The following SLFN14 variants were observed in gnomAD, a reference collection of about 807,000 sequenced individuals.
SLFN14 encodes the protein protein SLFN14.
In SLFN14, 47 loss-of-function variants were observed where a neutral mutation model predicts 58.6. That is an observed-to-expected ratio of 0.80 (90% confidence interval 0.64 to 1.02). The LOEUF (loss-of-function observed/expected upper bound fraction) is 1.02, where lower values mean the gene tolerates loss of function less well. SLFN14 is among the 50% of genes least tolerant of loss of function. The pLI, the probability that SLFN14 is intolerant of heterozygous loss-of-function variation, is 0.00. For missense variants in SLFN14, 967 were observed against 1,078.4 expected (o/e 0.90, Z 1.45); for synonymous variants, 390 against 387.3 (o/e 1.01, Z -0.08).
chr17:35,558,099 A>G lies in SLFN14; in HGVS notation c.-37T>C, dbSNP rs2072671467. ...CTCTGTGCTCCAAACAATAAAAGAAAGGAGTTCCTATAATCAGGACAGAAA... is the reference window on the plus strand; with the variant it reads ...CTCTGTGCTCCAAACAATAAAAGAAGGGAGTTCCTATAATCAGGACAGAAA... On this transcript the variant is annotated 5_prime_UTR_variant, in exon 3 of 6. Coordinates refer to ENST00000674182, the MANE Select transcript of SLFN14 (RefSeq NM_001129820.2). 6 of 1,495,372 alleles carry G rather than the reference A, an allele frequency of 4.0e-6. No individual in the cohort carries two copies. Among genetic ancestry groups the G allele is most frequent in the Non-Finnish European group, 5.4e-6 (6 of 1,110,416 alleles). The allele number at this position is 1,495,372 out of a possible 1,614,324, so 92.6% of individuals were successfully genotyped here.
At position 35,545,552 on chromosome 17, in the gene SLFN14, T is replaced by A. The variant is rs112250211; in HGVS notation, c.*2687A>T. Among the ~76,000 whole-genome samples, 5 of 152,128 alleles carry A rather than the reference T, an allele frequency of 3.3e-5. No individual in the cohort carries two copies. Among genetic ancestry groups the A allele is most frequent in the Non-Finnish European group, 7.4e-5 (5 of 68,014 alleles). On this transcript the variant is annotated 3_prime_UTR_variant, in exon 6 of 6. Transcript: ENST00000674182. ...CTCTGTAACCCAGGCTGGAGTGCAG[T>A]GGAGTAATCATAGGTCACTGTAGCC...
Position 35,557,262 on chromosome 17 carries a change from T to C in SLFN14, c.801A>G (p.Leu267=), listed in dbSNP as rs1215538504. Residue 267 remains leucine (L), a synonymous_variant, in exon 3 of 6, where the codon CTA becomes CTG. Coordinates refer to ENST00000674182, the MANE Select transcript of SLFN14 (RefSeq NM_001129820.2). The part of the protein sequence containing the change: ...CKWEKVNPDL[L]KKEIENCIEK... ...CTATGCAGTTTTCGATTTCTTTTTT[T>C]AGTAAGTCAGGATTCACTTTTTCCC... 1.9e-6 allele frequency: 3 copies of C among 1,551,648 alleles called. No homozygotes were observed. The highest frequency in any genetic ancestry group is 2.7e-5 in the African/African-American group (2 of 73,066).
At position 35,552,777 on chromosome 17, in the gene SLFN14, T is replaced by G. The variant is rs1453706986; in HGVS notation, c.1857A>C (p.Lys619Asn). Residue 619 changes from lysine to asparagine, a missense_variant, in exon 5 of 6, where the codon AAA (lysine) becomes AAC (asparagine). Transcript: ENST00000674182. The part of the protein sequence containing the change: ...KIKDLFHCKP[K>N]EILYVCESDS... Reference sequence around the variant, plus strand: ...CGCTTTCACAAACATAGAGGATCTCTTTTGGTTTGCAGTGAAACAAGTCCT... The same window carrying G: ...CGCTTTCACAAACATAGAGGATCTCGTTTGGTTTGCAGTGAAACAAGTCCT... 6.4e-7 allele frequency: 1 copy of G among 1,551,150 alleles called. No individual in the cohort carries two copies. The highest frequency in any genetic ancestry group is 1.4e-5 in the African/African-American group (1 of 72,948).
chr17:35,553,516 A>G, intron 4 of SLFN14, 72 bp from the exon 5 acceptor site: 1 of 1,174,062 alleles, frequency 8.5e-7, no homozygotes, highest in East Asian at 2.6e-5. Context: ...AACGTTGCAG[A>G]AAAAAATGAT....
chr17:35,553,265 CA>C lies in SLFN14; in HGVS notation c.1368del (p.Cys456TrpfsTer5). On this transcript the variant is annotated frameshift_variant, in exon 5 of 6. Coordinates refer to ENST00000674182, the MANE Select transcript of SLFN14 (RefSeq NM_001129820.2). LOFTEE classifies it high-confidence loss of function. Reference sequence around the variant, plus strand: ...CTGTTAACTGCTATCAGGAGAGCATCACACAGGACATTCTGTTCTTTCCTGA... The same window carrying C: ...CTGTTAACTGCTATCAGGAGAGCATCCACAGGACATTCTGTTCTTTCCTGA... The part of the protein sequence containing the change: ...VGFRKEQNVL[C>X]DALLIAVNSP... 6.4e-7 allele frequency: 1 copy of C among 1,551,674 alleles called. No homozygotes were observed. Among genetic ancestry groups the C allele is most frequent in the East Asian group, 2.4e-5 (1 of 40,926 alleles).
Position 35,548,273 on chromosome 17 carries a change from A to G in SLFN14, c.2705T>C (p.Leu902Pro), listed in dbSNP as rs1325782402. ...LCFASRAIKH[L>P]YLLYEKRAAY Reference sequence around the variant, plus strand: ...TGCCCTCTTTTCATAAAGCAGGTAGAGGTGTTTAATGGCTCTTGAAGCAAA... The same window carrying G: ...TGCCCTCTTTTCATAAAGCAGGTAGGGGTGTTTAATGGCTCTTGAAGCAAA... Residue 902 changes from leucine (L) to proline (P), a missense_variant, in exon 6 of 6, where the codon CTC becomes CCC. Coordinates refer to ENST00000674182, the MANE Select transcript of SLFN14 (RefSeq NM_001129820.2). The G allele has an allele frequency of 1.2e-5, 19 of 1,551,704 alleles. No individual in the cohort carries two copies. Among genetic ancestry groups the G allele is most frequent in the Non-Finnish European group, 1.5e-5 (17 of 1,146,964 alleles).
At chr17:35,554,031 G>A (rs1293386050) in intron 4 of SLFN14, among the ~76,000 whole-genome samples, 1 of 151,986 alleles carries the variant, frequency 6.6e-6, no homozygotes, top group African/African-American at 2.4e-5. Flanking sequence ...CAATTCACAG[G>A]GCTCTCCCTC....
At chr17:35,554,418 T>C (rs779827979) in intron 4 of SLFN14, among the ~76,000 whole-genome samples, 158 bp downstream of exon 4, 1 of 147,178 alleles carries the variant, frequency 6.8e-6, no homozygotes, top group Non-Finnish European at 1.5e-5. Flanking sequence ...ATATATTATA[T>C]ATATAATATA....
chr17:35,550,370 A>T (rs1214330263), intron 5 of SLFN14, among the ~76,000 whole-genome samples: 4 of 152,118 alleles, frequency 2.6e-5, no homozygotes, highest in Non-Finnish European at 5.9e-5. Flanking sequence ...ACATGGTGAA[A>T]CCCCGTCTCT....
rs148469524 is a variant in SLFN14 at position 35,548,254 on chromosome 17, C to T, written c.2724G>A (p.Lys908=). ...GTAATAATTTTCAGTAGGCTGCCCT[C>T]TTTTCATAAAGCAGGTAGAGGTGTT... ...AIKHLYLLYE[K]RAAY Residue 908 remains lysine (K), a synonymous_variant, in exon 6 of 6, where the codon AAG becomes AAA. Coordinates refer to ENST00000674182, the MANE Select transcript of SLFN14 (RefSeq NM_001129820.2). The T allele has an allele frequency of 4.9e-4, 758 of 1,551,064 alleles. 7 individuals are homozygous for T. The East Asian group carries it at 0.016, about 34-fold the overall frequency.
Position 35,553,210 on chromosome 17 carries a change from T to G in SLFN14, c.1424A>C (p.Asp475Ala). ...SPVVLYTILI[D>A]PNWPGGLEYA... ...TTCAAGTCCTCCAGGCCAATTGGGG[T>G]CTATTAAGATTGTATAGAGTACCAC... The change falls in exon 5 of 6, where the codon GAC becomes GCC. Residue 475 changes from aspartate (D) to alanine (A), a missense_variant. Asp to Ala is a moderately radical substitution (Grantham distance 126). Transcript: ENST00000674182. 1 of 1,551,558 alleles carries G rather than the reference T, an allele frequency of 6.4e-7. No individual in the cohort carries two copies. The highest frequency in any genetic ancestry group is 2.4e-5 in the East Asian group (1 of 40,914).
intron 4 of SLFN14, among the ~76,000 whole-genome samples, chr17:35,553,671 C>T (rs1402511698): frequency 2.0e-5 from 3 of 152,064 alleles, no homozygotes; most frequent in Non-Finnish European, 2.9e-5. Context: ...GACGGAGTCT[C>T]GCTGTCACCC....
chr17:35,551,474 A>T (rs1190615490), intron 5 of SLFN14, among the ~76,000 whole-genome samples: 1 of 152,208 alleles, frequency 6.6e-6, no homozygotes, highest in East Asian at 1.9e-4. Context: ...TTATACAATC[A>T]TGTCGTACCT....
chr17:35,555,308 C>T (rs142400491), intron 3 of SLFN14, among the ~76,000 whole-genome samples: 9,601 of 150,914 alleles, frequency 0.064, 399 homozygotes, highest in Non-Finnish European at 0.092. Flanking sequence ...GGAGACGGAG[C>T]TTGCAGTGAG....
At position 35,548,932 on chromosome 17, in the gene SLFN14, G is replaced by A. The variant is rs1231834140; in HGVS notation, c.2046C>T (p.Thr682=). 1.5e-5 allele frequency: 23 copies of A among 1,551,562 alleles called. No individual in the cohort carries two copies. Among genetic ancestry groups the A allele is most frequent in the East Asian group, 2.4e-5 (1 of 40,938 alleles). The part of the protein sequence containing the change: ...GNWYMKAKNI[T]HPKAKGTGSE... ...TTCCAGTCCCCTTCGCCTTTGGATG[G>A]GTGATGTTCTTAGCCTTCATGTACC... The change falls in exon 6 of 6, where the codon ACC becomes ACT. Residue 682 remains threonine, a synonymous_variant. Coordinates refer to ENST00000674182, the MANE Select transcript of SLFN14 (RefSeq NM_001129820.2).
At chr17:35,559,589 A>G (rs781747904) in intron 2 of SLFN14, among the ~76,000 whole-genome samples, 138 bp downstream of exon 2, 3 of 152,230 alleles carry the variant, frequency 2.0e-5, no homozygotes, top group Admixed American at 6.5e-5. Flanking sequence ...TATTTCAGAA[A>G]AGATCTGCTT....
At chr17:35,549,217 C>G (rs181914748) in intron 5 of SLFN14, 144 bp from the exon 6 acceptor site, 1 of 686,334 alleles carries the variant, frequency 1.5e-6, no homozygotes, top group African/African-American at 1.8e-5. Context: ...CAAAACTGTT[C>G]TAATTACAAG....
chr17:35,553,497 T>A (rs900720717), intron 4 of SLFN14, 53 bp from the exon 5 acceptor site: 4 of 1,374,686 alleles, frequency 2.9e-6, no homozygotes, highest in Non-Finnish European at 3.9e-6. Flanking sequence ...ATGTGGTAAG[T>A]ATTCCTGCAA....
At position 35,547,036 on chromosome 17, in the gene SLFN14, G is replaced by C. The variant is rs1473006478; in HGVS notation, c.*1203C>G. 2.6e-5 allele frequency among the ~76,000 whole-genome samples: 4 copies of C among 152,196 alleles called. No individual in the cohort carries two copies. The highest frequency in any genetic ancestry group is 9.6e-5 in the African/African-American group (4 of 41,454). ...AAGACTACTTTCCAGGCCAGCGGCA[G>C]AGTATAAGGCATTTCTAGCCTACAT... is the stretch of plus-strand genomic sequence containing the variant. On this transcript the variant is annotated 3_prime_UTR_variant, in exon 6 of 6. Transcript: ENST00000674182.
Sources: allele counts gnomAD v4.1 joint callset (sites outside exome capture counted in the v4.1 genomes callset), GRCh38; gene constraint gnomAD v4.1.1; transcripts MANE v1.5; gene names NCBI Gene and HGNC (gene_info 2026-07-23, HGNC 2026-07-21).